MAGI2: variants seen among roughly 807,000 people sequenced by gnomAD.
The protein encoded by MAGI2 is membrane associated guanylate kinase, WW and PDZ domain containing 2, also known as membrane-associated guanylate kinase, WW and PDZ domain-containing protein 2.
A neutral mutation model predicts 133.3 loss-of-function variants in MAGI2; 35 were observed. That is an observed-to-expected ratio of 0.26 (90% CI 0.20 to 0.35). MAGI2 has a LOEUF of 0.35. Among genes scored for constraint, MAGI2 ranks in the 10% least tolerant of loss-of-function variants. The pLI is 1.00. For missense variants in MAGI2, 1,636 were observed against 1,863.4 expected (o/e 0.88, Z 2.25); for synonymous variants, 729 against 710.6 (o/e 1.03, Z -0.41).
At chr7:78,131,183 A>G (rs1364089510) in intron 18 of MAGI2, among the ~76,000 whole-genome samples, 1 of 152,220 alleles carries the variant, frequency 6.6e-6, no homozygotes, top group Non-Finnish European at 1.5e-5. Context: ...GAAGTGATAG[A>G]TGTTGAGAGC....
intron 2 of MAGI2, among the ~76,000 whole-genome samples, chr7:78,784,759 T>C: frequency 6.6e-6 from 1 of 152,236 alleles, no homozygotes; most frequent in East Asian, 1.9e-4. Flanking sequence ...TAGTTTTCTC[T>C]GTATATTTGG....
intron 3 of MAGI2, among the ~76,000 whole-genome samples, chr7:78,580,127 T>C (rs1346202782): frequency 6.6e-6 from 1 of 152,244 alleles, no homozygotes; most frequent in Admixed American, 6.5e-5. Flanking sequence ...TGAATATGTA[T>C]GTGTGAATTT....
intron 1 of MAGI2, among the ~76,000 whole-genome samples, chr7:79,260,009 T>C (rs915921036): frequency 6.6e-6 from 1 of 152,220 alleles, no homozygotes; most frequent in Admixed American, 6.5e-5. Flanking sequence ...CAAGATATTG[T>C]ACCGACAATA....
chr7:78,207,956 C>T (rs899039023), intron 10 of MAGI2, among the ~76,000 whole-genome samples: 5 of 152,200 alleles, frequency 3.3e-5, no homozygotes, highest in East Asian at 3.9e-4. Flanking sequence ...CTGTAACCTC[C>T]GCCTCCCAGG....
chr7:78,162,038 A>G (rs1825076732), intron 15 of MAGI2, among the ~76,000 whole-genome samples: 1 of 152,184 alleles, frequency 6.6e-6, no homozygotes, highest in South Asian at 2.1e-4. Context: ...CAGTCCTTGT[A>G]CAAGTGGGAA....
At chr7:78,103,853 T>C (rs1198617008) in intron 20 of MAGI2, among the ~76,000 whole-genome samples, 1 of 152,274 alleles carries the variant, frequency 6.6e-6, no homozygotes, top group Non-Finnish European at 1.5e-5. Flanking sequence ...TTTATACTTG[T>C]ATTTAGTGCC....
chr7:79,079,880 GTATTATTGGTA>G (rs1815888279), intron 1 of MAGI2, among the ~76,000 whole-genome samples: 1 of 152,016 alleles, frequency 6.6e-6, no homozygotes, highest in Non-Finnish European at 1.5e-5. Flanking sequence ...ATTTCACAAT[GTATTATTGGTA>G]TATTATTGGT....
rs548116791 is a variant in MAGI2 at position 78,897,644 on chromosome 7, A to G, written c.418+109446T>C. 5.3e-5 allele frequency among the ~76,000 whole-genome samples: 8 copies of G among 152,318 alleles called. No homozygotes were observed. The South Asian group carries it at 1.4e-3, about 28-fold the overall frequency. ...TTTTTGGTTCCATATAAATTTTAAA[A>G]TGTTTTTTTCTAGTTCTGTGAAGAA... On this transcript the variant is annotated intron_variant, in intron 2 of 21. Coordinates refer to ENST00000354212, the MANE Select transcript of MAGI2 (RefSeq NM_012301.4).
At chr7:79,213,387 T>C (rs376161634) in intron 1 of MAGI2, among the ~76,000 whole-genome samples, 1 of 151,914 alleles carries the variant, frequency 6.6e-6, no homozygotes, top group Non-Finnish European at 1.5e-5. Context: ...AATCACTATA[T>C]TGCCTAGGCT....
intron 1 of MAGI2, among the ~76,000 whole-genome samples, chr7:79,312,514 G>T (rs372209439): frequency 6.6e-6 from 1 of 151,948 alleles, no homozygotes; most frequent in Non-Finnish European, 1.5e-5. Context: ...ATGTAATACC[G>T]CAACGTAGCC....
Position 78,195,063 on chromosome 7 carries a change from T to C in MAGI2, c.2080A>G (p.Ile694Val), listed in dbSNP as rs1311859189. 5 of 1,600,016 alleles carry C rather than the reference T, an allele frequency of 3.1e-6. No individual in the cohort carries two copies. In the Admixed American group the frequency reaches 6.9e-5, roughly 22 times the overall value. Residue 694 changes from isoleucine to valine, a missense_variant and splice_region_variant, in exon 12 of 22, where the codon ATA becomes GTA. By Grantham distance (29) the Ile-to-Val change is conservative. Transcript: ENST00000354212. ...CCTTGATTCTCCCATCGGTCCATTA[T>C]CTGAAAAGTGACAGAGGACAGAGAA... ...FFSPWKTPKP[I>V]MDRWENQGSP...
Position 78,360,816 on chromosome 7 carries a change from G to A in MAGI2, c.1103+8340C>T, listed in dbSNP as rs1053288473. Reference sequence around the variant, plus strand: ...TCCCCAAGTTCAGACTGTCTTCCCCGCCTTCACAAGGCCATTCTCGAGTTC... The same window carrying A: ...TCCCCAAGTTCAGACTGTCTTCCCCACCTTCACAAGGCCATTCTCGAGTTC... On this transcript the variant is annotated intron_variant, in intron 7 of 21. Transcript: ENST00000354212. 7.9e-5 allele frequency among the ~76,000 whole-genome samples: 12 copies of A among 152,116 alleles called. 1 individual carries two copies. Among genetic ancestry groups the A allele is most frequent in the South Asian group, 6.2e-4 (3 of 4,830 alleles).
chr7:78,890,797 C>G (rs961488826), intron 2 of MAGI2, among the ~76,000 whole-genome samples: 2 of 152,064 alleles, frequency 1.3e-5, no homozygotes, highest in African/African-American at 4.8e-5. Context: ...AATTGACACC[C>G]TAACATCACA....
chr7:78,896,421 G>A (rs558026948), intron 2 of MAGI2, among the ~76,000 whole-genome samples: 2 of 151,572 alleles, frequency 1.3e-5, no homozygotes, highest in Non-Finnish European at 2.9e-5. Flanking sequence ...AACAGGTAAA[G>A]CTCCTCATTG....
chr7:78,895,677 G>T (rs894021549), intron 2 of MAGI2, among the ~76,000 whole-genome samples: 1 of 151,934 alleles, frequency 6.6e-6, no homozygotes, highest in African/African-American at 2.4e-5. Context: ...CCAAGGGCTC[G>T]CTATTAAACA....
intron 1 of MAGI2, among the ~76,000 whole-genome samples, chr7:79,238,342 C>T (rs1253758109): frequency 2.0e-5 from 3 of 152,042 alleles, no homozygotes; most frequent in African/African-American, 7.2e-5. Flanking sequence ...TTCTTTCTAT[C>T]ATAATTCACA....
rs1293778580 is a variant in MAGI2, at chr7:79,234,826, G to A, written c.301+218194C>T. Among the ~76,000 whole-genome samples, 54 of 151,358 alleles carry A rather than the reference G, an allele frequency of 3.6e-4. 1 individual carries two copies. Among genetic ancestry groups the A allele is most frequent in the South Asian group, 2.1e-3 (10 of 4,778 alleles). ...GTCATTCTCCATCCAGCTTTGTTCCGTTGCTGGTGAGGAACTGCGTTCCTT... is the reference window on the plus strand; with the variant it reads ...GTCATTCTCCATCCAGCTTTGTTCCATTGCTGGTGAGGAACTGCGTTCCTT... On this transcript the variant is annotated intron_variant, in intron 1 of 21. Transcript: ENST00000354212.
chr7:79,173,291 T>C (rs1825792308), intron 1 of MAGI2, among the ~76,000 whole-genome samples: 1 of 151,878 alleles, frequency 6.6e-6, no homozygotes, highest in South Asian at 2.1e-4. Context: ...AAAAAATGAC[T>C]TCATTTCCCA....
intron 1 of MAGI2, among the ~76,000 whole-genome samples, chr7:79,343,646 C>T (rs1158352333): frequency 1.3e-5 from 2 of 151,818 alleles, no homozygotes; most frequent in African/African-American, 4.8e-5. Context: ...ACTGAAAATT[C>T]CACTACCTGT....
Sources: allele counts gnomAD v4.1 joint callset (sites outside exome capture counted in the v4.1 genomes callset), GRCh38; gene constraint gnomAD v4.1.1; transcripts MANE v1.5; gene names NCBI Gene and HGNC (gene_info 2026-07-23, HGNC 2026-07-21).